GRIK4: variants seen among roughly 807,000 people sequenced by gnomAD.
GRIK4 encodes glutamate receptor ionotropic, kainate 4.
Under a neutral mutation model 104.9 loss-of-function variants are expected in GRIK4, and 40 were observed. The observed-to-expected ratio is 0.38, with a 90% CI of 0.30 to 0.50. GRIK4 has a LOEUF of 0.50. Ranked by LOEUF, GRIK4 falls within the 20% of genes least tolerant of loss-of-function variation. The pLI is 0.93. For missense variants in GRIK4, 1,047 were observed against 1,308.1 expected (o/e 0.80, Z 3.08); for synonymous variants, 485 against 524.9 (o/e 0.92, Z 1.04).
At chr11:120,543,496 AC>A (rs1171473050) in intron 1 of GRIK4, among the ~76,000 whole-genome samples, 5 of 138,454 alleles carry the variant, frequency 3.6e-5, no homozygotes, top group African/African-American at 1.3e-4. Flanking sequence ...AATTACTTGA[AC>A]CCGGGAGGCG....
At chr11:120,717,972 TG>T (rs1376563078) in intron 3 of GRIK4, among the ~76,000 whole-genome samples, 1 of 152,168 alleles carries the variant, frequency 6.6e-6, no homozygotes, top group Admixed American at 6.5e-5. Context: ...GGCGGCTGTC[TG>T]TGGCAAGAGG....
At chr11:120,901,638 T>C (rs994430129) in intron 12 of GRIK4, among the ~76,000 whole-genome samples, 7 of 152,156 alleles carry the variant, frequency 4.6e-5, no homozygotes, top group African/African-American at 1.7e-4. Context: ...AGAATCTGAG[T>C]GAAGGAATTC....
intron 9 of GRIK4, chr11:120,873,720 C>A (rs971217149): frequency 2.0e-5 from 4 of 195,396 alleles, no homozygotes; most frequent in Non-Finnish European, 3.1e-5. Flanking sequence ...AGCAGCCGTG[C>A]CCTCTTCTTC....
intron 11 of GRIK4, among the ~76,000 whole-genome samples, chr11:120,896,341 T>G (rs1942581253): frequency 1.3e-5 from 2 of 152,226 alleles, no homozygotes; most frequent in South Asian, 4.1e-4. Flanking sequence ...AGTTTCCTTA[T>G]CTGTAAAACG....
rs374225658 is a variant in GRIK4 at position 120,738,482 on chromosome 11, C to G, written c.83-64211C>G. 1.8e-3 allele frequency among the ~76,000 whole-genome samples: 278 copies of G among 152,342 alleles called. 2 individuals carry two copies. The highest frequency in any genetic ancestry group is 6.4e-3 in the African/African-American group (268 of 41,592). On this transcript the variant is annotated intron_variant, in intron 3 of 20. Coordinates refer to ENST00000527524, the MANE Select transcript of GRIK4 (RefSeq NM_014619.5). ...CAGACTCAGCCCCAATGGCAGGGCA[C>G]TCTGCTTGGAAGATGAGCTACATGG...
intron 3 of GRIK4, among the ~76,000 whole-genome samples, chr11:120,791,105 A>G (rs1952385211): frequency 6.6e-6 from 1 of 152,148 alleles, no homozygotes; most frequent in Non-Finnish European, 1.5e-5. Flanking sequence ...ATGTTTCTTA[A>G]GGGAGAAATT....
rs1376859389 is a variant in GRIK4, at chr11:120,555,737, C to T, written c.-159+43850C>T. ...CTTCTCAGGAAAGCTGCGGGTGGCACAAAGTTTGCAAATTCCTTTTACTTC... is the reference window on the plus strand; with the variant it reads ...CTTCTCAGGAAAGCTGCGGGTGGCATAAAGTTTGCAAATTCCTTTTACTTC... On this transcript the variant is annotated intron_variant, in intron 1 of 20. Transcript: ENST00000527524. The surrounding 1 kb of genome is among the most constrained non-coding windows in gnomAD (Gnocchi z 5.3). Among the ~76,000 whole-genome samples, 2 of 152,188 alleles carry T rather than the reference C, an allele frequency of 1.3e-5. No homozygotes were observed. Among genetic ancestry groups the T allele is most frequent in the African/African-American group, 4.8e-5 (2 of 41,454 alleles).
At chr11:120,670,024 G>A (rs1664750714) in intron 3 of GRIK4, among the ~76,000 whole-genome samples, 1 of 152,130 alleles carries the variant, frequency 6.6e-6, no homozygotes, top group African/African-American at 2.4e-5. Flanking sequence ...TTTCATAAAT[G>A]GTAATGCCAT....
At position 120,808,672 on chromosome 11, in the gene GRIK4, T is replaced by G. The variant is rs540854772; in HGVS notation, c.247+5815T>G. 4.1e-4 allele frequency among the ~76,000 whole-genome samples: 62 copies of G among 152,328 alleles called. No homozygotes were observed. The South Asian group carries it at 0.013, about 32-fold the overall frequency. On this transcript the variant is annotated intron_variant, in intron 4 of 20. Coordinates refer to ENST00000527524, the MANE Select transcript of GRIK4 (RefSeq NM_014619.5). ...TACTCCCAGAGAGTTCAGAATGGAA[T>G]GCGTTCCTGACAGCTTTGGCACAAG...
chr11:120,771,654 T>C (rs1042685206), intron 3 of GRIK4, among the ~76,000 whole-genome samples: 7 of 152,190 alleles, frequency 4.6e-5, no homozygotes, highest in African/African-American at 1.7e-4. Flanking sequence ...ATAGGGAGAT[T>C]GGTATGCTAT....
Position 120,902,554 on chromosome 11 carries a change from A to G in GRIK4, c.1273-2736A>G, listed in dbSNP as rs1255968560. Among the ~76,000 whole-genome samples the G allele has an allele frequency of 1.3e-5, 2 of 152,196 alleles. No individual in the cohort carries two copies. The highest frequency in any genetic ancestry group is 2.9e-5 in the Non-Finnish European group (2 of 68,026). Reference sequence around the variant, plus strand: ...GGAAACCCCCAGCCATGCCCTGTCCAGGAAGCCATTTGTTTGCTTCTTACT... The same window carrying G: ...GGAAACCCCCAGCCATGCCCTGTCCGGGAAGCCATTTGTTTGCTTCTTACT... On this transcript the variant is annotated intron_variant, in intron 12 of 20. Coordinates refer to ENST00000527524, the MANE Select transcript of GRIK4 (RefSeq NM_014619.5). This position sits in a 1 kb window ranked among gnomAD's most constrained non-coding sequence, Gnocchi z 4.5.
At chr11:120,833,854 TG>T (rs1953501358) in intron 7 of GRIK4, among the ~76,000 whole-genome samples, 2 of 152,242 alleles carry the variant, frequency 1.3e-5, no homozygotes. Flanking sequence ...AAGCGCTTTT[TG>T]TCCACACTTA....
At chr11:120,624,445 CCCTTTGG>C (rs374463393) in intron 1 of GRIK4, among the ~76,000 whole-genome samples, 151 of 152,172 alleles carry the variant, frequency 9.9e-4, no homozygotes, top group Non-Finnish European at 1.9e-3. Context: ...CTATCCCATC[CCCTTTGG>C]CCTCCTCCTT....
Position 120,602,096 on chromosome 11 carries a change from C to T in GRIK4, c.-158-51589C>T, listed in dbSNP as rs184750598. ...CCAGGTACCCCGGGGCTGCCTTCCC[C>T]GGGCTCTCATCCTCCTCTTTCATCC... On this transcript the variant is annotated intron_variant, in intron 1 of 20. Coordinates refer to ENST00000527524, the MANE Select transcript of GRIK4 (RefSeq NM_014619.5). Among the ~76,000 whole-genome samples the T allele has an allele frequency of 4.2e-3, 636 of 152,196 alleles. 2 individuals carry two copies. The highest frequency in any genetic ancestry group is 0.015 in the African/African-American group (609 of 41,544).
In GRIK4 at chr11:120,560,280, G is replaced by A. The variant is rs909037556; in HGVS notation, c.-159+48393G>A. Among the ~76,000 whole-genome samples the A allele has an allele frequency of 2.6e-5, 4 of 151,978 alleles. No homozygotes were observed. In the East Asian group the frequency reaches 5.8e-4, roughly 22 times the overall value. The stretch of plus-strand genomic sequence containing the variant: ...TTGGCCAGGCTGGTCTCAAACTCCC[G>A]ACCTCAGGTGATCCACCTGCCTTGG... On this transcript the variant is annotated intron_variant, in intron 1 of 20. Coordinates refer to ENST00000527524, the MANE Select transcript of GRIK4 (RefSeq NM_014619.5).
chr11:120,940,259 C>A lies in GRIK4; in HGVS notation c.1477-88C>A. 2.7e-6 allele frequency: 2 copies of A among 752,826 alleles called. No individual in the cohort carries two copies. Among genetic ancestry groups the A allele is most frequent in the Admixed American group, 2.2e-5 (1 of 45,740 alleles). 46.6% of individuals were successfully genotyped at this position (752,826 alleles called of 1,614,324 possible). ...AAGAAGCCAGACCAGCATCACATCT[C>A]CAATAGCAGTGACGGTTGCTGGTCG... On this transcript the variant is annotated intron_variant, in intron 13 of 20. Transcript: ENST00000527524. This position sits in a 1 kb window ranked among gnomAD's most constrained non-coding sequence, Gnocchi z 4.3.
At chr11:120,634,473 T>TC (rs1949371472) in intron 1 of GRIK4, among the ~76,000 whole-genome samples, 1 of 151,906 alleles carries the variant, frequency 6.6e-6, no homozygotes, top group African/African-American at 2.4e-5. Flanking sequence ...AGTTCCCTCC[T>TC]CCCCCAAGGG....
intron 1 of GRIK4, among the ~76,000 whole-genome samples, chr11:120,622,150 C>T (rs1487763863): frequency 6.6e-6 from 1 of 152,196 alleles, no homozygotes. Flanking sequence ...ATCCACCCAC[C>T]TCGGCCTCCC....
At chr11:120,836,996 A>T (rs1953590713) in intron 8 of GRIK4, 152 bp downstream of exon 8, 2 of 596,114 alleles carry the variant, frequency 3.4e-6, no homozygotes, top group East Asian at 5.6e-5. Context: ...CGTCCTGGAA[A>T]TTCTCATCCC....
Sources: gnomAD v4.1 joint callset for allele counts (sites outside exome capture counted in the v4.1 genomes callset) on GRCh38, gnomAD v4.1.1 for gene constraint, Gnocchi (gnomAD v3.1) non-coding constraint, MANE v1.5 for transcripts, NCBI Gene and HGNC (gene_info 2026-07-23, HGNC 2026-07-21) for gene names.